Variants in XKR9 observed in about 807,000 individuals in gnomAD.
XKR9 encodes the protein XK-related protein 9.
In XKR9, 32 loss-of-function variants were observed where a neutral mutation model predicts 32.0. The observed-to-expected ratio is 1.00, with a 90% CI of 0.76 to 1.34. The LOEUF is 1.34. Among genes scored for constraint, XKR9 ranks in the 40% most tolerant of loss-of-function variants. The pLI, the probability that XKR9 is intolerant of heterozygous loss-of-function variation, is 0.00. For missense variants in XKR9, 546 were observed against 429.7 expected (o/e 1.27, Z -2.39); for synonymous variants, 168 against 143.4 (o/e 1.17, Z -1.22).
chr8:70,882,389 C>T, the XKR9 span, among the ~76,000 whole-genome samples: 1 of 151,668 alleles, frequency 6.6e-6, no homozygotes, highest in Non-Finnish European at 1.5e-5. Flanking sequence ...CTTTTCCCCT[C>T]TCCTGTTTCT....
chr8:70,877,527 T>C, the XKR9 span, among the ~76,000 whole-genome samples: 1 of 152,030 alleles, frequency 6.6e-6, no homozygotes, highest in Non-Finnish European at 1.5e-5. Flanking sequence ...TTTTCTGGAC[T>C]CCAAAGTCTT....
the XKR9 span, among the ~76,000 whole-genome samples, chr8:70,826,883 A>T: frequency 6.6e-6 from 1 of 152,308 alleles, no homozygotes; most frequent in African/African-American, 2.4e-5. Context: ...TTTAAAAAGA[A>T]AAATAACTCC....
chr8:70,848,258 T>G, the XKR9 span, among the ~76,000 whole-genome samples: 1 of 152,020 alleles, frequency 6.6e-6, no homozygotes, highest in Admixed American at 6.6e-5. Context: ...TTCAATAAAA[T>G]TCAACATCCT....
the XKR9 span, among the ~76,000 whole-genome samples, chr8:70,939,361 G>A: frequency 6.6e-6 from 1 of 152,114 alleles, no homozygotes; most frequent in Non-Finnish European, 1.5e-5. Flanking sequence ...ATGGATCATA[G>A]TTTGTTTTGT....
the XKR9 span, among the ~76,000 whole-genome samples, chr8:70,945,919 G>A: frequency 3.0e-4 from 46 of 152,268 alleles, no homozygotes; most frequent in African/African-American, 1.1e-3. Context: ...GACGGATCAC[G>A]ATGTCAAGAG....
the XKR9 span, among the ~76,000 whole-genome samples, chr8:70,880,154 C>A: frequency 1.3e-5 from 2 of 152,078 alleles, no homozygotes; most frequent in Non-Finnish European, 2.9e-5. Context: ...ATGACACACC[C>A]ATAGTCAATA....
chr8:71,044,047 T>G, the XKR9 span, among the ~76,000 whole-genome samples: 1 of 152,182 alleles, frequency 6.6e-6, no homozygotes, highest in Non-Finnish European at 1.5e-5. Context: ...TTGGAAGGAT[T>G]CATTAAAATT....
chr8:70,775,717 T>C (rs949696095), intron 2 of XKR9, among the ~76,000 whole-genome samples: 15 of 151,902 alleles, frequency 9.9e-5, no homozygotes, highest in Non-Finnish European at 2.1e-4. Flanking sequence ...TTAAAGATTT[T>C]TGCCTCTGCG....
At chr8:71,001,107 T>C in the XKR9 span, among the ~76,000 whole-genome samples, 2 of 152,122 alleles carry the variant, frequency 1.3e-5, no homozygotes, top group African/African-American at 2.4e-5. Context: ...TTATGGATAG[T>C]GGATCAAGCA....
At chr8:70,873,280 A>C in the XKR9 span, among the ~76,000 whole-genome samples, 1 of 152,198 alleles carries the variant, frequency 6.6e-6, no homozygotes, top group East Asian at 1.9e-4. Context: ...CAGTCTATGG[A>C]TCAAGGAGTA....
At chr8:70,864,833 G>A in the XKR9 span, among the ~76,000 whole-genome samples, 11 of 152,154 alleles carry the variant, frequency 7.2e-5, no homozygotes, top group African/African-American at 2.7e-4. Flanking sequence ...TACCCAGGGT[G>A]GATGATCTCC....
At chr8:70,766,074 C>A (rs1472871840) in intron 2 of XKR9, among the ~76,000 whole-genome samples, 2 of 151,712 alleles carry the variant, frequency 1.3e-5, no homozygotes, top group Non-Finnish European at 2.9e-5. Context: ...TTAGGATTGT[C>A]TTGGCTTATA....
chr8:70,857,604 A>G, the XKR9 span, among the ~76,000 whole-genome samples: 1 of 152,212 alleles, frequency 6.6e-6, no homozygotes, highest in Non-Finnish European at 1.5e-5. Flanking sequence ...AATCCTCCCT[A>G]ACTTATTTCA....
At chr8:70,860,723 A>G in the XKR9 span, among the ~76,000 whole-genome samples, 3 of 151,302 alleles carry the variant, frequency 2.0e-5, no homozygotes, top group Non-Finnish European at 4.4e-5. Context: ...ATAAATGTCA[A>G]TGTTACCCAA....
the XKR9 span, among the ~76,000 whole-genome samples, chr8:70,992,650 A>G: frequency 6.6e-6 from 1 of 152,256 alleles, no homozygotes; most frequent in African/African-American, 2.4e-5. Flanking sequence ...ACTAGAAGAC[A>G]GGAGAGGGGA....
chr8:70,754,221 CT>C (rs1324764158), intron 2 of XKR9, among the ~76,000 whole-genome samples: 4 of 147,978 alleles, frequency 2.7e-5, no homozygotes, highest in Admixed American at 7.6e-5. Flanking sequence ...TGTGAAGGAT[CT>C]CTTCAAGGAG....
intron 2 of XKR9, among the ~76,000 whole-genome samples, chr8:70,679,336 G>A (rs891934231): frequency 2.0e-5 from 3 of 152,154 alleles, no homozygotes; most frequent in Admixed American, 6.5e-5. Flanking sequence ...CTAACTGTGT[G>A]CCAAGTACTT....
chr8:71,016,084 C>T, the XKR9 span, among the ~76,000 whole-genome samples: 4 of 123,162 alleles, frequency 3.2e-5, no homozygotes, highest in South Asian at 2.2e-4. Context: ...ATTACTCTGA[C>T]GTTGGCATTA....
At chr8:70,740,803 T>C (rs1310090153), downstream of XKR9, among the ~76,000 whole-genome samples, 3 of 152,236 alleles carry the variant, frequency 2.0e-5, no homozygotes, top group Non-Finnish European at 4.4e-5. Context: ...CCACGAATGC[T>C]GCTGTCTGAT....
Sources: allele counts gnomAD v4.1 joint callset (sites outside exome capture counted in the v4.1 genomes callset), GRCh38; gene constraint gnomAD v4.1.1; transcripts MANE v1.5; gene names NCBI Gene and HGNC (gene_info 2026-07-23, HGNC 2026-07-21).